The following ZNF536 variants were observed in gnomAD, a reference collection of about 807,000 sequenced individuals.
ZNF536 encodes zinc finger protein 536.
Under a neutral mutation model 84.5 loss-of-function variants are expected in ZNF536, and 13 were observed. That is an observed-to-expected ratio of 0.15 (90% CI 0.10 to 0.24). The LOEUF (loss-of-function observed/expected upper bound fraction) is 0.24, where lower values mean the gene tolerates loss of function less well. ZNF536 is among the 10% of genes least tolerant of loss of function. The pLI, the probability that ZNF536 is intolerant of heterozygous loss-of-function variation, is 1.00. For synonymous variants in ZNF536, 811 were observed against 742.5 expected (o/e 1.09, Z -1.50); for missense variants, 1,536 against 1,747.5 (o/e 0.88, Z 2.16).
At chr19:30,612,599 T>C (rs2048140792) in intron 1 of ZNF536, among the ~76,000 whole-genome samples, 1 of 152,164 alleles carries the variant, frequency 6.6e-6, no homozygotes, top group Non-Finnish European at 1.5e-5. Context: ...TTAACTACCT[T>C]GTATCTTTTA....
intron 2 of ZNF536, among the ~76,000 whole-genome samples, chr19:30,481,313 T>C (rs1461154835): frequency 6.6e-6 from 1 of 152,196 alleles, no homozygotes; most frequent in African/African-American, 2.4e-5. Flanking sequence ...TATCGTCTTT[T>C]CAAATCTCAT....
At chr19:30,325,227 A>G (rs1005268034) in intron 2 of ZNF536, among the ~76,000 whole-genome samples, 3 of 152,154 alleles carry the variant, frequency 2.0e-5, no homozygotes, top group African/African-American at 7.2e-5. Context: ...CCAGGCTGCA[A>G]CTGAGGGACA....
intron 1 of ZNF536, among the ~76,000 whole-genome samples, chr19:30,667,348 G>A (rs1480403501): frequency 6.6e-6 from 1 of 152,228 alleles, no homozygotes; most frequent in Non-Finnish European, 1.5e-5. Context: ...TGGTGGAAAA[G>A]CTGGGTTAGT....
At chr19:30,602,490 T>G (rs1032503400) in intron 1 of ZNF536, among the ~76,000 whole-genome samples, 1 of 152,178 alleles carries the variant, frequency 6.6e-6, no homozygotes, top group Non-Finnish European at 1.5e-5. Flanking sequence ...AGCTTCCCAA[T>G]GGATACCCAA....
intron 1 of ZNF536, among the ~76,000 whole-genome samples, chr19:30,567,974 G>GT (rs2046411937): frequency 6.6e-6 from 1 of 152,146 alleles, no homozygotes; most frequent in Non-Finnish European, 1.5e-5. Context: ...TTACAAACCA[G>GT]TAATAAAAGG....
At chr19:30,679,469 A>C (rs1425852382) in intron 1 of ZNF536, among the ~76,000 whole-genome samples, 1 of 152,164 alleles carries the variant, frequency 6.6e-6, no homozygotes, top group East Asian at 1.9e-4. Flanking sequence ...TGCCAGGAGT[A>C]AAGCCCACCG....
intron 1 of ZNF536, among the ~76,000 whole-genome samples, chr19:30,704,825 G>A (rs1005560853): frequency 2.0e-5 from 3 of 151,836 alleles, no homozygotes; most frequent in Non-Finnish European, 2.9e-5. Context: ...GTCTCGCGGT[G>A]TTGTTCCATG....
At chr19:30,544,385 C>T (rs150057835) in intron 3 of ZNF536, among the ~76,000 whole-genome samples, 70 of 152,298 alleles carry the variant, frequency 4.6e-4, no homozygotes, top group African/African-American at 1.3e-3. Flanking sequence ...GGCCTGGGCC[C>T]GTGGAGACTC....
intron 2 of ZNF536, among the ~76,000 whole-genome samples, chr19:30,328,582 T>G (rs1220818191): frequency 6.6e-6 from 1 of 152,220 alleles, no homozygotes; most frequent in Non-Finnish European, 1.5e-5. Context: ...AACTAATCAC[T>G]CAAGTTCCAT....
chr19:30,345,775 G>A (rs891748375), intron 2 of ZNF536, among the ~76,000 whole-genome samples: 3 of 152,216 alleles, frequency 2.0e-5, no homozygotes, highest in African/African-American at 7.2e-5. Flanking sequence ...GATCCATGAA[G>A]TCTGCAGTCT....
rs1374698930 is a variant in ZNF536, at chr19:30,526,713, G to A, written c.2171-8134G>A. ...CACTCCAGCCTGGGCGACAGAGCGA[G>A]ACTCCGTCTCAAAAAAAAAAAAAAA... On this transcript the variant is annotated intron_variant, in intron 2 of 4. Coordinates refer to ENST00000355537, the MANE Select transcript of ZNF536 (RefSeq NM_014717.3). Among the ~76,000 whole-genome samples the A allele has an allele frequency of 6.1e-5, 7 of 114,646 alleles. 1 individual carries two copies. The Admixed American group carries it at 6.2e-4, about 10-fold the overall frequency. The allele number at this position is 114,646 out of a possible 152,430, so 75.2% of individuals were successfully genotyped here. A position where few individuals can be genotyped will look rare whatever the true frequency, so the allele number is the denominator to read the frequency against.
At chr19:30,484,052 T>G (rs2054195134) in intron 2 of ZNF536, among the ~76,000 whole-genome samples, 1 of 152,014 alleles carries the variant, frequency 6.6e-6, no homozygotes, top group African/African-American at 2.4e-5. Context: ...CAAGTCTCTG[T>G]TAAACCCAGC....
At chr19:30,503,516 G>A (rs191356666) in intron 2 of ZNF536, among the ~76,000 whole-genome samples, 24 of 152,354 alleles carry the variant, frequency 1.6e-4, no homozygotes, top group African/African-American at 5.8e-4. Context: ...AGCAGGTAGA[G>A]TATGATTTCA....
intron 2 of ZNF536, among the ~76,000 whole-genome samples, chr19:30,460,086 A>G (rs535671957): frequency 5.3e-5 from 8 of 152,112 alleles, no homozygotes; most frequent in Non-Finnish European, 1.2e-4. Flanking sequence ...CATGCCACCA[A>G]ACAGAGCAGC....
intron 2 of ZNF536, among the ~76,000 whole-genome samples, chr19:30,466,433 G>T (rs1310499189): frequency 6.6e-6 from 1 of 150,734 alleles, no homozygotes; most frequent in Non-Finnish European, 1.5e-5. Flanking sequence ...GTGTGATGGT[G>T]CATGCCTGTA....
chr19:30,617,200 G>A lies in ZNF536; in HGVS notation c.169+67686G>A, dbSNP rs1423712820. 2.0e-5 allele frequency among the ~76,000 whole-genome samples: 3 copies of A among 151,050 alleles called. No individual in the cohort carries two copies. In the East Asian group the frequency reaches 5.8e-4, roughly 29 times the overall value. ...TGGTTACATGGGTAAGTTCTTTAGT[G>A]GTGATTTGTGAGATTTTGGTGCACC... On this transcript the variant is annotated intron_variant, in intron 1 of 1. Transcript: ENST00000592773.
chr19:30,307,398 A>G (rs974752041), intron 2 of ZNF536, among the ~76,000 whole-genome samples: 3 of 151,682 alleles, frequency 2.0e-5, no homozygotes, highest in African/African-American at 7.3e-5. Flanking sequence ...AAAAAAAAAA[A>G]AAAATCTGTT....
intron 2 of ZNF536, among the ~76,000 whole-genome samples, chr19:30,348,746 A>G (rs561755639): frequency 2.0e-5 from 3 of 152,214 alleles, no homozygotes; most frequent in East Asian, 3.9e-4. Context: ...ACCAAGTGCC[A>G]TGCAGACCAA....
chr19:30,611,799 C>A (rs2147053376), intron 1 of ZNF536, among the ~76,000 whole-genome samples: 1 of 152,318 alleles, frequency 6.6e-6, no homozygotes, highest in Non-Finnish European at 1.5e-5. Context: ...TGTTTAATAA[C>A]AGTGTTTATA....
Sources: gnomAD v4.1 joint callset for allele counts (sites outside exome capture counted in the v4.1 genomes callset) on GRCh38, gnomAD v4.1.1 for gene constraint, MANE v1.5 for transcripts, NCBI Gene and HGNC (gene_info 2026-07-23, HGNC 2026-07-21) for gene names.